Variants in ZNF827 observed in about 807,000 individuals in gnomAD.
ZNF827 encodes zinc finger protein 827.
ZNF827 carries 13 observed loss-of-function variants against 102.4 expected under a neutral mutation model. That is an observed-to-expected ratio of 0.13 (90% confidence interval 0.08 to 0.20). ZNF827 has a LOEUF of 0.20. Among genes scored for constraint, ZNF827 ranks in the 10% least tolerant of loss-of-function variants. The probability of loss-of-function intolerance (pLI) is 1.00; values close to 1 mark genes in which losing one functional copy is unlikely to be tolerated. For missense variants in ZNF827, 1,103 were observed against 1,344.4 expected, an observed-to-expected ratio of 0.82 and a Z score of 2.81; for synonymous variants, 523 against 536.2, an observed-to-expected ratio of 0.98 and a Z score of 0.34.
chr4:145,901,341 C>A (rs924856112), intron 2 of ZNF827, among the ~76,000 whole-genome samples: 1 of 152,146 alleles, frequency 6.6e-6, no homozygotes, highest in South Asian at 2.1e-4. Context: ...TTAAAGCAAA[C>A]CAGAACAAGA....
chr4:145,818,400 T>G (rs543319284), intron 8 of ZNF827, among the ~76,000 whole-genome samples: 2 of 152,376 alleles, frequency 1.3e-5, no homozygotes, highest in African/African-American at 2.4e-5. Flanking sequence ...TATGTCTCAA[T>G]GAGTTGTTTC....
At chr4:145,810,432 T>C (rs2126385417) in intron 8 of ZNF827, among the ~76,000 whole-genome samples, 1 of 152,284 alleles carries the variant, frequency 6.6e-6, no homozygotes, top group Middle Eastern at 3.4e-3. Flanking sequence ...TTTTAACTTT[T>C]AGAAATTATA....
chr4:145,769,050 A>G (rs1275271458), intron 11 of ZNF827, among the ~76,000 whole-genome samples: 2 of 151,116 alleles, frequency 1.3e-5, no homozygotes, highest in Non-Finnish European at 1.5e-5. Flanking sequence ...AAAAGTTTTT[A>G]AAAAGAGAAA....
intron 2 of ZNF827, among the ~76,000 whole-genome samples, chr4:145,896,977 A>G (rs755002306): frequency 5.3e-5 from 8 of 151,946 alleles, no homozygotes; most frequent in Non-Finnish European, 7.3e-5. Context: ...GAGTTAATAA[A>G]CAGAGTTTTA....
intron 2 of ZNF827, among the ~76,000 whole-genome samples, chr4:145,895,322 A>G (rs936921314): frequency 1.3e-5 from 2 of 152,134 alleles, no homozygotes; most frequent in African/African-American, 4.8e-5. Flanking sequence ...CTAATCAACA[A>G]TTCTTTATTT....
intron 1 of ZNF827, among the ~76,000 whole-genome samples, chr4:145,936,374 T>C (rs1375256468): frequency 6.6e-6 from 1 of 152,112 alleles, no homozygotes; most frequent in East Asian, 1.9e-4. Context: ...TTTATGTGCA[T>C]ATATATTACA....
At chr4:145,935,006 G>T (rs1242597017) in intron 1 of ZNF827, among the ~76,000 whole-genome samples, 1 of 152,030 alleles carries the variant, frequency 6.6e-6, no homozygotes, top group East Asian at 1.9e-4. Flanking sequence ...TACTCAAAAG[G>T]GCTCTTTGGC....
intron 1 of ZNF827, among the ~76,000 whole-genome samples, chr4:145,923,672 A>G (rs780908792): frequency 1.2e-4 from 19 of 152,134 alleles, no homozygotes; most frequent in Non-Finnish European, 2.2e-4. Context: ...GGCATTAGAG[A>G]TTTGCAAAAA....
intron 7 of ZNF827, among the ~76,000 whole-genome samples, chr4:145,826,284 G>A (rs1743672417): frequency 6.6e-6 from 1 of 152,204 alleles, no homozygotes; most frequent in Non-Finnish European, 1.5e-5. Context: ...ATCTTTTAGA[G>A]GGGTGCTGTA....
At position 145,759,539 on chromosome 4, in the gene ZNF827, G is replaced by A. The variant is rs1734233325; in HGVS notation, c.*2077C>T. 1 of 152,146 alleles carries A rather than the reference G, an allele frequency of 6.6e-6. No individual in the cohort carries two copies. Among genetic ancestry groups the A allele is most frequent in the Non-Finnish European group, 1.5e-5 (1 of 68,028 alleles). 9.4% of individuals were successfully genotyped at this position (152,146 alleles called of 1,614,324 possible). A position where few individuals can be genotyped will look rare whatever the true frequency, so the allele number is the denominator to read the frequency against. ...AGCCAGAAGATCGGCAAAACACAAT[G>A]GAAACTTGTCAGGGGCATAAACTGA... On this transcript the variant is annotated 3_prime_UTR_variant, in exon 15 of 15. Transcript: ENST00000508784.
chr4:145,926,746 T>C lies in ZNF827; in HGVS notation c.43+11619A>G, dbSNP rs541482764. Among the ~76,000 whole-genome samples, 41 of 152,292 alleles carry C rather than the reference T, an allele frequency of 2.7e-4. 1 individual carries two copies. On this transcript the variant is annotated intron_variant, in intron 1 of 14. Coordinates refer to ENST00000508784, the MANE Select transcript of ZNF827 (RefSeq NM_001306215.2). Reference sequence around the variant, plus strand: ...TCAATTTTTAAAAATAAATTAATAGTTAATATTTGTGTTTTCTATGGTTTC... The same window carrying C: ...TCAATTTTTAAAAATAAATTAATAGCTAATATTTGTGTTTTCTATGGTTTC...
chr4:145,881,742 C>T (rs955907821), intron 4 of ZNF827, among the ~76,000 whole-genome samples: 26 of 152,150 alleles, frequency 1.7e-4, no homozygotes, highest in African/African-American at 6.3e-4. Context: ...CAGGCCTCTC[C>T]TTCATGTCAA....
chr4:145,827,010 G>A (rs747279091), intron 7 of ZNF827, among the ~76,000 whole-genome samples: 3 of 152,088 alleles, frequency 2.0e-5, no homozygotes, highest in Admixed American at 6.5e-5. Context: ...GCCTCCCAAA[G>A]TGCTGGGATT....
At chr4:145,898,037 C>T (rs909625803) in intron 2 of ZNF827, among the ~76,000 whole-genome samples, 43 of 152,232 alleles carry the variant, frequency 2.8e-4, no homozygotes, top group Admixed American at 2.5e-3. Context: ...TGCCTGTAGT[C>T]CCAGCTTCTC....
In ZNF827 at chr4:145,901,174, A is replaced by C. The variant is rs559314811; in HGVS notation, c.1093+992T>G. The stretch of plus-strand genomic sequence containing the variant: ...AACCCTCTTCATCATTGTTGCTGAA[A>C]ATAATCAAAAGTTGGCTAGACACAC... On this transcript the variant is annotated intron_variant, in intron 2 of 14. Transcript: ENST00000508784. Among the ~76,000 whole-genome samples the C allele has an allele frequency of 4.6e-5, 7 of 152,344 alleles. No homozygotes were observed. In the East Asian group the frequency reaches 1.2e-3, roughly 25 times the overall value.
intron 8 of ZNF827, among the ~76,000 whole-genome samples, chr4:145,801,857 C>T (rs750453990): frequency 1.3e-5 from 2 of 149,328 alleles, no homozygotes; most frequent in Non-Finnish European, 3.0e-5. Context: ...AAAAGCTTAG[C>T]TGATTGCTGC....
intron 5 of ZNF827, among the ~76,000 whole-genome samples, chr4:145,850,437 C>T (rs753091773): frequency 1.2e-4 from 18 of 152,260 alleles, no homozygotes; most frequent in Admixed American, 2.6e-4. Flanking sequence ...TGGAAGACCA[C>T]GCAGGAAGTT....
At chr4:145,811,396 T>C (rs17020601) in intron 8 of ZNF827, among the ~76,000 whole-genome samples, 5,456 of 152,252 alleles carry the variant, frequency 0.036, 206 homozygotes, top group South Asian at 0.12. Context: ...GATTGGGAGA[T>C]GGAATGCAAA....
rs186195360 is a variant in ZNF827 at position 145,846,733 on chromosome 4, C to T, written c.2222-720G>A. Among the ~76,000 whole-genome samples, 626 of 138,026 alleles carry T rather than the reference C, an allele frequency of 4.5e-3. 11 individuals are homozygous for T. Among genetic ancestry groups the T allele is most frequent in the Admixed American group, 0.032 (431 of 13,632 alleles). The allele number at this position is 138,026 out of a possible 152,430, so 90.6% of individuals were successfully genotyped here. ...TTGGGAGGCTGAGGCAGGAGAATGG[C>T]GTGAACCCGGGAGGCGGAGCTTGCA... On this transcript the variant is annotated intron_variant, in intron 6 of 14. Transcript: ENST00000508784.
Sources: gnomAD v4.1 joint callset for allele counts (sites outside exome capture counted in the v4.1 genomes callset) on GRCh38, gnomAD v4.1.1 for gene constraint, MANE v1.5 for transcripts, NCBI Gene and HGNC (gene_info 2026-07-23, HGNC 2026-07-21) for gene names.